Variants in KCNB2 observed in about 807,000 individuals in gnomAD.
KCNB2 encodes the protein potassium voltage-gated channel subfamily B member 2, also known as delayed rectifier potassium channel protein.
KCNB2 carries 15 observed loss-of-function variants against 61.5 expected under a neutral mutation model. That is an observed-to-expected ratio of 0.24 (90% CI 0.16 to 0.38). The LOEUF (loss-of-function observed/expected upper bound fraction) is 0.38, where lower values mean the gene tolerates loss of function less well. Ranked by LOEUF, KCNB2 falls within the 10% of genes least tolerant of loss-of-function variation. The pLI, the probability that KCNB2 is intolerant of heterozygous loss-of-function variation, is 1.00. For synonymous variants in KCNB2, 457 were observed against 446.0 expected, an observed-to-expected ratio of 1.02 and a Z score of -0.31; for missense variants, 828 against 1,125.2, an observed-to-expected ratio of 0.74 and a Z score of 3.78.
intron 2 of KCNB2, among the ~76,000 whole-genome samples, chr8:72,819,125 G>A (rs908263765): frequency 3.3e-5 from 5 of 152,044 alleles, no homozygotes; most frequent in South Asian, 2.1e-4. Context: ...CCAAGGTCAC[G>A]CCACAACCAC....
chr8:72,918,296 A>G (rs1396569777), intron 2 of KCNB2, among the ~76,000 whole-genome samples: 1 of 152,192 alleles, frequency 6.6e-6, no homozygotes, highest in Non-Finnish European at 1.5e-5. Context: ...TCTCTTGTCT[A>G]CTTAGACTTT....
intron 2 of KCNB2, among the ~76,000 whole-genome samples, chr8:72,639,865 T>C (rs1806026371): frequency 6.6e-6 from 1 of 151,996 alleles, no homozygotes; most frequent in African/African-American, 2.4e-5. Context: ...AATTTTCCTG[T>C]AGCAGACGAT....
At chr8:72,726,550 C>T (rs1320981733) in intron 2 of KCNB2, among the ~76,000 whole-genome samples, 1 of 152,098 alleles carries the variant, frequency 6.6e-6, no homozygotes, top group Non-Finnish European at 1.5e-5. Context: ...ACAGTATTAA[C>T]TATGGTACTA....
chr8:72,898,059 A>G (rs1169281434), intron 2 of KCNB2, among the ~76,000 whole-genome samples: 1 of 152,164 alleles, frequency 6.6e-6, no homozygotes, highest in Non-Finnish European at 1.5e-5. Flanking sequence ...GAAATGGATT[A>G]TCTGTCTTTT....
chr8:72,701,433 A>T (rs1275697071), intron 2 of KCNB2, among the ~76,000 whole-genome samples: 1 of 152,178 alleles, frequency 6.6e-6, no homozygotes, highest in Non-Finnish European at 1.5e-5. Flanking sequence ...TTATCTATTC[A>T]TAACACCATC....
chr8:72,617,922 C>G (rs1342833615), intron 2 of KCNB2, among the ~76,000 whole-genome samples: 1 of 152,214 alleles, frequency 6.6e-6, no homozygotes, highest in African/African-American at 2.4e-5. Flanking sequence ...GTCTGAAGCT[C>G]TTTAGTGAGG....
At chr8:72,833,246 T>C (rs1563398475) in intron 2 of KCNB2, among the ~76,000 whole-genome samples, 4 of 152,094 alleles carry the variant, frequency 2.6e-5, no homozygotes, top group South Asian at 4.2e-4. Flanking sequence ...ATAGGAAGCT[T>C]CAGGAACTTT....
chr8:72,820,088 G>A (rs1263485015), intron 2 of KCNB2, among the ~76,000 whole-genome samples: 1 of 151,998 alleles, frequency 6.6e-6, no homozygotes, highest in Non-Finnish European at 1.5e-5. Context: ...TCAGCTTACT[G>A]CAAAGCCTTC....
intron 2 of KCNB2, among the ~76,000 whole-genome samples, chr8:72,803,480 C>A (rs1172256834): frequency 6.6e-6 from 1 of 152,204 alleles, no homozygotes; most frequent in Non-Finnish European, 1.5e-5. Flanking sequence ...ACCAACATCA[C>A]ATCTCTATAC....
intron 2 of KCNB2, among the ~76,000 whole-genome samples, chr8:72,754,277 G>T (rs1016462045): frequency 6.6e-6 from 1 of 152,180 alleles, no homozygotes; most frequent in Non-Finnish European, 1.5e-5. Flanking sequence ...CCAAAGCCTG[G>T]AAGGGGACCT....
At position 72,937,113 on chromosome 8, in the gene KCNB2, G is replaced by T; in HGVS notation, c.1758G>T (p.Leu586=). The T allele has an allele frequency of 6.2e-7, 1 of 1,614,162 alleles. No homozygotes were observed. The highest frequency in any genetic ancestry group is 8.5e-7 in the Non-Finnish European group (1 of 1,180,020). The change falls in exon 3 of 3, where the codon CTG becomes CTT. Residue 586 remains leucine (L), a synonymous_variant. Transcript: ENST00000523207. ...AAGTGGTGTGTCCACAGGAGCAGCTGGCCGTGGCACAGACCGAGGTCATTG... is the reference window on the plus strand; with the variant it reads ...AAGTGGTGTGTCCACAGGAGCAGCTTGCCGTGGCACAGACCGAGGTCATTG... The part of the protein sequence containing the change: ...MEEVVCPQEQ[L]AVAQTEVIVD...
At chr8:72,596,976 G>C (rs1344605719) in intron 2 of KCNB2, among the ~76,000 whole-genome samples, 1 of 135,252 alleles carries the variant, frequency 7.4e-6, no homozygotes, top group African/African-American at 2.8e-5. Flanking sequence ...CAGCCAACCA[G>C]CATGCTTGCT....
intron 1 of KCNB2, among the ~76,000 whole-genome samples, chr8:72,562,269 C>T (rs1351419872): frequency 6.6e-6 from 1 of 152,096 alleles, no homozygotes; most frequent in Non-Finnish European, 1.5e-5. Flanking sequence ...TTTGAGACTA[C>T]AGTAAACCCC....
chr8:72,712,067 G>C, intron 2 of KCNB2, among the ~76,000 whole-genome samples: 1 of 152,228 alleles, frequency 6.6e-6, no homozygotes, highest in East Asian at 1.9e-4. Context: ...TATTCTAAAT[G>C]TATGCTCAAA....
chr8:72,561,789 A>G (rs78426282), intron 1 of KCNB2, among the ~76,000 whole-genome samples: 2,740 of 33,466 alleles, frequency 0.082, 686 homozygotes, highest in Non-Finnish European at 0.12. Flanking sequence ...ATATATATAT[A>G]CATATATATA....
chr8:72,555,551 C>A (rs145519714), intron 1 of KCNB2, among the ~76,000 whole-genome samples: 3 of 151,216 alleles, frequency 2.0e-5, no homozygotes, highest in African/African-American at 7.3e-5. Flanking sequence ...AAAAACAGTG[C>A]TTTAAATATC....
chr8:72,904,363 A>C lies in KCNB2; in HGVS notation c.580-31572A>C, dbSNP rs1003999554. Among the ~76,000 whole-genome samples the C allele has an allele frequency of 2.6e-5, 4 of 152,106 alleles. No homozygotes were observed. The East Asian group carries it at 5.8e-4, about 22-fold the overall frequency. On this transcript the variant is annotated intron_variant, in intron 2 of 2. Transcript: ENST00000523207. ...TTGGACATCCTGAAATTTTTTTAACACAGGGGGTAGAAGGAGGGAGAGGAT... is the reference window on the plus strand; with the variant it reads ...TTGGACATCCTGAAATTTTTTTAACCCAGGGGGTAGAAGGAGGGAGAGGAT...
intron 2 of KCNB2, among the ~76,000 whole-genome samples, chr8:72,890,824 TGTA>T (rs918485420): frequency 2.4e-4 from 36 of 152,346 alleles, no homozygotes; most frequent in Middle Eastern, 3.4e-3. Context: ...CAACGATAGA[TGTA>T]GTTCTGTTAC....
intron 2 of KCNB2, among the ~76,000 whole-genome samples, chr8:72,657,348 C>A (rs1806307885): frequency 1.3e-5 from 2 of 152,032 alleles, no homozygotes; most frequent in Admixed American, 1.3e-4. Flanking sequence ...TAAAGATGGA[C>A]AGGATTTTTT....
Sources: gnomAD v4.1 joint callset for allele counts (sites outside exome capture counted in the v4.1 genomes callset) on GRCh38, gnomAD v4.1.1 for gene constraint, MANE v1.5 for transcripts, NCBI Gene and HGNC (gene_info 2026-07-23, HGNC 2026-07-21) for gene names.